Variants in C17orf67 observed in about 807,000 individuals in gnomAD.
The protein encoded by C17orf67 is uncharacterized protein C17orf67.
In C17orf67, 12 loss-of-function variants were observed where a neutral mutation model predicts 11.2. That is an observed-to-expected ratio of 1.07 (90% CI 0.68 to 1.73). The LOEUF is 1.73. Ranked by LOEUF, C17orf67 falls within the 40% of genes most tolerant of loss-of-function variation. C17orf67 has a pLI of 0.00. For missense variants in C17orf67, 115 were observed against 113.5 expected (o/e 1.01, Z -0.06); for synonymous variants, 59 against 46.9 (o/e 1.26, Z -1.05).
intron 6 of C17orf67, among the ~76,000 whole-genome samples, chr17:56,800,203 C>A (rs943214419): frequency 8.6e-5 from 13 of 151,574 alleles, no homozygotes; most frequent in African/African-American, 2.9e-4. Context: ...GTAGCTGGAA[C>A]TACAGGCACC....
chr17:56,813,635 A>G (rs934887071), intron 6 of C17orf67, among the ~76,000 whole-genome samples: 1 of 152,000 alleles, frequency 6.6e-6, no homozygotes, highest in Admixed American at 6.6e-5. Flanking sequence ...ATCATACTGC[A>G]TAGCAGCCAT....
intron 6 of C17orf67, among the ~76,000 whole-genome samples, chr17:56,797,288 C>T (rs1174917492): frequency 6.6e-6 from 1 of 152,090 alleles, no homozygotes; most frequent in Non-Finnish European, 1.5e-5. Flanking sequence ...TTTGCAGGGC[C>T]AAGGGTGGAG....
intron 6 of C17orf67, among the ~76,000 whole-genome samples, chr17:56,802,671 T>C (rs903953354): frequency 6.6e-6 from 1 of 152,246 alleles, no homozygotes; most frequent in African/African-American, 2.4e-5. Flanking sequence ...TAAGAATGCA[T>C]TAAATGCTAG....
chr17:56,825,960 T>TGTGTGTGC (rs10633404), intron 2 of C17orf67, among the ~76,000 whole-genome samples: 33 of 151,088 alleles, frequency 2.2e-4, no homozygotes, highest in African/African-American at 7.3e-4. Flanking sequence ...TGTGTGTGTG[T>TGTGTGTGC]GCACGCGTGT....
chr17:56,833,244 C>G lies in C17orf67; in HGVS notation c.-903G>C, dbSNP rs557583025. 6.2e-4 allele frequency: 95 copies of G among 154,106 alleles called. No individual in the cohort carries two copies. The South Asian group carries it at 0.011, about 17-fold the overall frequency. The allele number at this position is 154,106 out of a possible 1,614,324, so 9.5% of individuals were successfully genotyped here. On this transcript the variant is annotated 5_prime_UTR_variant, in exon 2 of 8. Coordinates refer to ENST00000397861, the MANE Select transcript of C17orf67 (RefSeq NM_001085430.4). ...TTCCGCGTCCGCGTTCTCCGGGTAG[C>G]TGATGTGCTGCAGGCTGCAGCCCGC...
intron 6 of C17orf67, among the ~76,000 whole-genome samples, chr17:56,806,100 G>A (rs867501337): frequency 1.5e-4 from 22 of 144,490 alleles, no homozygotes; most frequent in Non-Finnish European, 2.1e-4. Flanking sequence ...TCAGCCTCCC[G>A]AGTAGCTGGG....
intron 6 of C17orf67, among the ~76,000 whole-genome samples, chr17:56,801,947 G>A (rs1905332840): frequency 6.6e-6 from 1 of 152,194 alleles, no homozygotes; most frequent in African/African-American, 2.4e-5. Flanking sequence ...CTAAGAGTCT[G>A]AGTCTCCTTC....
chr17:56,818,372 T>C (rs1381876440), intron 4 of C17orf67, among the ~76,000 whole-genome samples: 2 of 152,104 alleles, frequency 1.3e-5, no homozygotes, highest in Non-Finnish European at 2.9e-5. Flanking sequence ...AATAGAAGTA[T>C]TTTTTGGCCA....
chr17:56,801,022 G>T (rs777588233), intron 6 of C17orf67, among the ~76,000 whole-genome samples: 22 of 152,224 alleles, frequency 1.4e-4, no homozygotes, highest in Non-Finnish European at 2.1e-4. Context: ...GCACTCCAGC[G>T]CAGGCAACAG....
rs899206167 is a variant in C17orf67, at chr17:56,833,002, G to A, written c.-661C>T. On this transcript the variant is annotated 5_prime_UTR_variant, in exon 2 of 8. Coordinates refer to ENST00000397861, the MANE Select transcript of C17orf67 (RefSeq NM_001085430.4). The stretch of plus-strand genomic sequence containing the variant: ...TCTTTGCAGTTTTCCTATGATCTCT[G>A]CGTTTCTTTTCTGTTCCTTTGGTCC... The A allele has an allele frequency of 2.6e-5, 4 of 152,204 alleles. No homozygotes were observed. The highest frequency in any genetic ancestry group is 4.4e-5 in the Non-Finnish European group (3 of 68,040). The allele number at this position is 152,204 out of a possible 1,614,324, so 9.4% of individuals were successfully genotyped here. A position where few individuals can be genotyped will look rare whatever the true frequency, so the allele number is the denominator to read the frequency against.
chr17:56,823,285 G>A (rs945497546), intron 4 of C17orf67, among the ~76,000 whole-genome samples: 36 of 152,024 alleles, frequency 2.4e-4, no homozygotes, highest in African/African-American at 6.8e-4. Context: ...ATTAAGCTTC[G>A]GAGAGGTTAG....
intron 6 of C17orf67, among the ~76,000 whole-genome samples, chr17:56,810,245 C>G (rs1905586275): frequency 6.7e-6 from 1 of 148,542 alleles, no homozygotes; most frequent in African/African-American, 2.5e-5. Context: ...TCCTCACACA[C>G]ATGCATCGCT....
At chr17:56,797,439 T>G (rs949387291) in intron 6 of C17orf67, among the ~76,000 whole-genome samples, 5 of 152,022 alleles carry the variant, frequency 3.3e-5, no homozygotes, top group African/African-American at 1.2e-4. Context: ...CTCAATATCC[T>G]GCAGGGCCCA....
At chr17:56,799,872 G>A (rs1445910803) in intron 6 of C17orf67, among the ~76,000 whole-genome samples, 1 of 151,570 alleles carries the variant, frequency 6.6e-6, no homozygotes, top group East Asian at 1.9e-4. Flanking sequence ...TTCAGTAGAT[G>A]TCTATTCAAG....
At chr17:56,830,866 G>A (rs774863678) in intron 2 of C17orf67, among the ~76,000 whole-genome samples, 28 of 152,144 alleles carry the variant, frequency 1.8e-4, no homozygotes, top group Non-Finnish European at 4.0e-4. Context: ...GGCCTCTGTC[G>A]GGAGGGAGCA....
intron 6 of C17orf67, among the ~76,000 whole-genome samples, chr17:56,804,485 A>G (rs1905398981): frequency 6.6e-6 from 1 of 152,256 alleles, no homozygotes; most frequent in African/African-American, 2.4e-5. Context: ...GAAAGGCAGA[A>G]CAGTGCTGTG....
Position 56,795,116 on chromosome 17 carries a change from A to T in C17orf67, c.221T>A (p.Leu74Gln), listed in dbSNP as rs749490227. 1.2e-6 allele frequency: 2 copies of T among 1,614,172 alleles called. No individual in the cohort carries two copies. Among genetic ancestry groups the T allele is most frequent in the Non-Finnish European group, 1.7e-6 (2 of 1,180,012 alleles). ...ACAGTGGGGTTTGCAGTGAGGGTTC[A>T]GCCAGTGCTCCAGGAACTGCTCCTC... ...RAEEQFLEHW[L>Q]NPHCKPHCDR... Residue 74 changes from leucine (L) to glutamine (Q), a missense_variant, in exon 7 of 8, where the codon CTG becomes CAG. Physicochemically the swap from Leu to Gln is moderately radical, Grantham distance 113. Coordinates refer to ENST00000397861, the MANE Select transcript of C17orf67 (RefSeq NM_001085430.4).
At chr17:56,815,398 A>C (rs1905735097) in intron 5 of C17orf67, among the ~76,000 whole-genome samples, 1 of 152,188 alleles carries the variant, frequency 6.6e-6, no homozygotes, top group Admixed American at 6.5e-5. Context: ...CCCTCAAAGA[A>C]GATAGTATAA....
intron 6 of C17orf67, among the ~76,000 whole-genome samples, chr17:56,796,831 C>T (rs1327714890): frequency 7.0e-6 from 1 of 142,744 alleles, no homozygotes; most frequent in Non-Finnish European, 1.5e-5. Context: ...TCCTCCCTCC[C>T]CCATCCCTGC....
Sources: allele counts gnomAD v4.1 joint callset (sites outside exome capture counted in the v4.1 genomes callset), GRCh38; gene constraint gnomAD v4.1.1; transcripts MANE v1.5; gene names NCBI Gene and HGNC (gene_info 2026-07-23, HGNC 2026-07-21).